Variants in ELAVL4 observed in about 807,000 individuals in gnomAD.
ELAVL4 encodes the protein ELAV-like protein 4.
A neutral mutation model predicts 35.6 loss-of-function variants in ELAVL4; 1 was observed. That is an observed-to-expected ratio of 0.03 (90% CI 0.01 to 0.13). The LOEUF is 0.13. Ranked by LOEUF, ELAVL4 falls within the 10% of genes least tolerant of loss-of-function variation. The pLI is 1.00. For synonymous variants in ELAVL4, 156 were observed against 171.0 expected (o/e 0.91, Z 0.69); for missense variants, 267 against 464.9 (o/e 0.57, Z 3.91).
chr1:50,126,429 T>C (rs1669930134), intron 1 of ELAVL4, among the ~76,000 whole-genome samples: 1 of 152,038 alleles, frequency 6.6e-6, no homozygotes, highest in South Asian at 2.1e-4. Flanking sequence ...GTATTTACTT[T>C]TTAGTGGGGG....
intron 1 of ELAVL4, chr1:50,109,970 T>C: frequency 6.2e-7 from 1 of 1,612,016 alleles, no homozygotes. Context: ...AGATGGTAAG[T>C]GAAAAGAGGA....
At chr1:50,111,321 G>GA (rs1469734635) in intron 1 of ELAVL4, among the ~76,000 whole-genome samples, 1 of 151,274 alleles carries the variant, frequency 6.6e-6, no homozygotes, top group Non-Finnish European at 1.5e-5. Flanking sequence ...GAGACCATTT[G>GA]AAAAAATGTA....
chr1:50,193,919 G>GTTAAGTGTT lies in ELAVL4; in HGVS notation c.508+3_508+11dup, dbSNP rs1683053855. On this transcript the variant is annotated splice_donor_variant, in intron 4 of 6. Coordinates refer to ENST00000371824, the MANE Select transcript of ELAVL4 (RefSeq NM_001144774.3). LOFTEE classifies it high-confidence loss of function. The stretch of plus-strand genomic sequence containing the variant: ...CGAATCCTGGTTGATCAAGTCACAG[G>GTTAAGTGTT]TTAAGTGTTTCTTTGTAATTTCTTT... 6.2e-7 allele frequency: 1 copy of GTTAAGTGTT among 1,613,564 alleles called. No homozygotes were observed. Among genetic ancestry groups the GTTAAGTGTT allele is most frequent in the African/African-American group, 1.3e-5 (1 of 74,908 alleles).
chr1:50,054,635 A>G (rs910267039), intron 1 of ELAVL4, among the ~76,000 whole-genome samples: 1 of 152,192 alleles, frequency 6.6e-6, no homozygotes, highest in Admixed American at 6.5e-5. Context: ...TTTACAGTTT[A>G]CAAAGTATTT....
intron 1 of ELAVL4, among the ~76,000 whole-genome samples, chr1:50,079,504 T>C (rs141173341): frequency 4.6e-5 from 7 of 152,322 alleles, no homozygotes; most frequent in Middle Eastern, 3.4e-3. Flanking sequence ...TTATACCCTA[T>C]GTTGATCACT....
chr1:50,098,267 G>T (rs1334461006), intron 1 of ELAVL4, among the ~76,000 whole-genome samples: 1 of 152,098 alleles, frequency 6.6e-6, no homozygotes, highest in Non-Finnish European at 1.5e-5. Flanking sequence ...AATAGCAAGT[G>T]GTTAGACTGA....
At chr1:50,193,671 G>A (rs866573003) in intron 3 of ELAVL4, 94 bp from the exon 4 acceptor site, 123 of 1,426,956 alleles carry the variant, frequency 8.6e-5, no homozygotes, top group Middle Eastern at 5.5e-4. Context: ...GAGTTGTAAC[G>A]GTAGATGAGG....
chr1:50,072,681 C>T (rs1664585646), intron 1 of ELAVL4, among the ~76,000 whole-genome samples: 1 of 152,178 alleles, frequency 6.6e-6, no homozygotes, highest in African/African-American at 2.4e-5. Context: ...CTGGGAATGA[C>T]ATAAATCATA....
intron 3 of ELAVL4, among the ~76,000 whole-genome samples, chr1:50,188,709 C>G (rs1371104914): frequency 1.3e-5 from 2 of 152,224 alleles, no homozygotes; most frequent in Non-Finnish European, 1.5e-5. Flanking sequence ...GTGCTTCCAG[C>G]TGGCGTCTGG....
At chr1:50,104,023 A>G (rs768612650), upstream of ELAVL4, 1 of 1,613,742 alleles carries the variant, frequency 6.2e-7, no homozygotes, top group Admixed American at 1.7e-5. Context: ...ACATCACTGG[A>G]TAGCCTGGCA....
intron 1 of ELAVL4, among the ~76,000 whole-genome samples, chr1:50,071,685 G>T (rs1278182004): frequency 6.6e-6 from 1 of 152,178 alleles, no homozygotes; most frequent in Non-Finnish European, 1.5e-5. Context: ...ATCTGAACAT[G>T]ACGGAAACTG....
At chr1:50,119,036 A>AAAAGGAAGAAAGAAAG (rs1553170300) in intron 1 of ELAVL4, among the ~76,000 whole-genome samples, 5 of 127,256 alleles carry the variant, frequency 3.9e-5, no homozygotes, top group African/African-American at 1.5e-4. Flanking sequence ...GAAAGAAAGA[A>AAAAGGAAGAAAGAAAG]AAAGAAAGAA....
At chr1:50,070,133 A>G (rs1393006405) in intron 1 of ELAVL4, among the ~76,000 whole-genome samples, 3 of 152,184 alleles carry the variant, frequency 2.0e-5, no homozygotes, top group Admixed American at 6.5e-5. Flanking sequence ...CTTTCTTGAC[A>G]CTGTTAATGG....
intron 1 of ELAVL4, among the ~76,000 whole-genome samples, chr1:50,091,536 C>T (rs1665494074): frequency 6.6e-6 from 1 of 152,166 alleles, no homozygotes; most frequent in Non-Finnish European, 1.5e-5. Flanking sequence ...AGGACAAATC[C>T]TCTTCCTCAC....
intron 2 of ELAVL4, among the ~76,000 whole-genome samples, chr1:50,165,427 G>T (rs1275989068): frequency 1.4e-5 from 2 of 147,028 alleles, no homozygotes; most frequent in East Asian, 2.0e-4. Context: ...ACTAACAGGA[G>T]ATATATATAT....
intron 1 of ELAVL4, among the ~76,000 whole-genome samples, chr1:50,133,430 C>T (rs1022122600): frequency 6.6e-6 from 1 of 152,092 alleles, no homozygotes; most frequent in Non-Finnish European, 1.5e-5. Context: ...TCCAGTTTTA[C>T]TCCTGCCTCC....
intron 1 of ELAVL4, among the ~76,000 whole-genome samples, chr1:50,069,683 T>C (rs919157759): frequency 6.6e-6 from 1 of 152,200 alleles, no homozygotes; most frequent in Non-Finnish European, 1.5e-5. Context: ...TCTGTAATAA[T>C]AATAGCAGCT....
chr1:50,052,977 G>T (rs1051426848), intron 1 of ELAVL4, among the ~76,000 whole-genome samples: 2 of 152,168 alleles, frequency 1.3e-5, no homozygotes, highest in Admixed American at 1.3e-4. Context: ...CAACTGCTAC[G>T]GAGTTCCCAG....
chr1:50,144,981 G>A lies in ELAVL4; in HGVS notation c.34G>A (p.Val12Met). ...GATAATTAGCACCATGGAGCCTCAG[G>A]TGTCAAATGGTCCGACATCCAATAC... ...VMIISTMEPQ[V>M]SNGPTSNTSN... Residue 12 changes from valine (V) to methionine (M), a missense_variant, in exon 2 of 7, where the codon GTG (valine) becomes ATG (methionine). Coordinates refer to ENST00000371824, the MANE Select transcript of ELAVL4 (RefSeq NM_001144774.3). The A allele has an allele frequency of 6.2e-7, 1 of 1,613,706 alleles. No individual in the cohort carries two copies. Among genetic ancestry groups the A allele is most frequent in the Non-Finnish European group, 8.5e-7 (1 of 1,179,888 alleles).
Sources: allele counts gnomAD v4.1 joint callset (sites outside exome capture counted in the v4.1 genomes callset), GRCh38; gene constraint gnomAD v4.1.1; transcripts MANE v1.5; gene names NCBI Gene and HGNC (gene_info 2026-07-23, HGNC 2026-07-21).